MAP4: variants seen among roughly 807,000 people sequenced by gnomAD.
The protein encoded by MAP4 is microtubule associated protein 4.
In MAP4, 76 loss-of-function variants were observed where a neutral mutation model predicts 170.2. That is an observed-to-expected ratio of 0.45 (90% CI 0.37 to 0.54). The LOEUF is 0.54. Ranked by LOEUF, MAP4 falls within the 20% of genes least tolerant of loss-of-function variation. The pLI is 0.00. For synonymous variants in MAP4, 909 were observed against 994.5 expected, an observed-to-expected ratio of 0.91 and a Z score of 1.62; for missense variants, 2,506 against 2,748.0, an observed-to-expected ratio of 0.91 and a Z score of 1.97.
chr3:47,915,469 G>A (rs1332480296), intron 7 of MAP4, among the ~76,000 whole-genome samples: 1 of 152,026 alleles, frequency 6.6e-6, no homozygotes, highest in African/African-American at 2.4e-5. Flanking sequence ...AAATGGGTGG[G>A]AATGATCCAA....
intron 10 of MAP4, among the ~76,000 whole-genome samples, chr3:47,900,547 C>G (rs367834196): frequency 1.3e-5 from 2 of 152,024 alleles, no homozygotes; most frequent in East Asian, 3.9e-4. Context: ...ACTAGCCTGG[C>G]CAACATGGTG....
chr3:48,024,528 G>A (rs992865603), intron 1 of MAP4, among the ~76,000 whole-genome samples: 1 of 152,096 alleles, frequency 6.6e-6, no homozygotes, highest in Non-Finnish European at 1.5e-5. Flanking sequence ...TCTGCTTGCT[G>A]GTGCTCTTTG....
chr3:47,870,967 G>A lies in MAP4; in HGVS notation c.6140C>T (p.Pro2047Leu), dbSNP rs148161144. Residue 2047 changes from proline to leucine, a missense_variant, in exon 15 of 21, where the codon CCT becomes CTT. Transcript: ENST00000683076. ...TPMPSRPSTTPFIDKKPTSAK... is the reference protein window; with the variant it reads ...TPMPSRPSTTLFIDKKPTSAK... ...CGAGGTGGGCTTCTTGTCTATGAAA[G>A]GAGTTGTGGAGGGCCGGGAGGGCAT... The A allele has an allele frequency of 9.9e-5, 160 of 1,614,166 alleles. 1 individual carries two copies. Among genetic ancestry groups the A allele is most frequent in the Middle Eastern group, 3.3e-4 (2 of 6,062 alleles).
chr3:47,987,413 G>T (rs1349925075), intron 2 of MAP4: 1 of 1,532,702 alleles, frequency 6.5e-7, no homozygotes, highest in African/African-American at 1.4e-5. Context: ...AGGCTGGCAG[G>T]GTGTGGGGGT....
intron 10 of MAP4, among the ~76,000 whole-genome samples, chr3:47,887,226 C>G (rs370172245): frequency 6.6e-6 from 1 of 152,200 alleles, no homozygotes; most frequent in African/African-American, 2.4e-5. Context: ...GAGCAGGAAC[C>G]GGGGCTGCGC....
At chr3:48,066,490 T>A (rs922082372) in intron 1 of MAP4, among the ~76,000 whole-genome samples, 10 of 152,028 alleles carry the variant, frequency 6.6e-5, no homozygotes, top group Admixed American at 6.6e-5. Flanking sequence ...ATATATATAT[T>A]TTTTATTTTA....
intron 10 of MAP4, among the ~76,000 whole-genome samples, chr3:47,884,282 G>A (rs2097231474): frequency 6.6e-6 from 1 of 152,136 alleles, no homozygotes; most frequent in African/African-American, 2.4e-5. Context: ...TGAGCCCATT[G>A]AAGTTTTTAA....
chr3:47,952,011 G>A (rs1270273891), intron 3 of MAP4, among the ~76,000 whole-genome samples: 2 of 150,682 alleles, frequency 1.3e-5, no homozygotes, highest in African/African-American at 4.9e-5. Context: ...CACCCCGTCT[G>A]GGATGTGAGG....
In MAP4 at chr3:47,851,030, A is replaced by AGT. The variant is rs1217268421; in HGVS notation, c.*1902_*1903dup. On this transcript the variant is annotated 3_prime_UTR_variant, in exon 21 of 21. Coordinates refer to ENST00000683076, the MANE Select transcript of MAP4 (RefSeq NM_001385682.1). The stretch of plus-strand genomic sequence containing the variant: ...ATCCTCATGACCCCAGGACAGACGC[A>AGT]GTGGAGGCAGCAGGTACTCTGGGCC... 6.6e-6 allele frequency: 1 copy of AGT among 152,048 alleles called. No individual in the cohort carries two copies. The highest frequency in any genetic ancestry group is 1.5e-5 in the Non-Finnish European group (1 of 68,070). The allele number at this position is 152,048 out of a possible 1,614,324, so 9.4% of individuals were successfully genotyped here. A position where few individuals can be genotyped will look rare whatever the true frequency, so the allele number is the denominator to read the frequency against.
rs140928289 is a variant in MAP4 at position 47,916,106 on chromosome 3, T to G, written c.1721A>C (p.Lys574Thr). The stretch of plus-strand genomic sequence containing the variant: ...TGTTTCTGAGAGTGGTGGAACATCT[T>G]TGGCTGGAGTCACATTGTTGGCCAG... The part of the protein sequence containing the change: ...LTLANNVTPA[K>T]DVPPLSETEA... The change falls in exon 7 of 21, where the codon AAA becomes ACA. Residue 574 changes from lysine (K) to threonine (T), a missense_variant. Physicochemically the swap from Lys to Thr is moderately conservative, Grantham distance 78. Coordinates refer to ENST00000683076, the MANE Select transcript of MAP4 (RefSeq NM_001385682.1). 1.9e-4 allele frequency: 313 copies of G among 1,614,242 alleles called. No homozygotes were observed. Among genetic ancestry groups the G allele is most frequent in the Non-Finnish European group, 2.5e-4 (299 of 1,180,046 alleles).
intron 13 of MAP4, 67 bp from the exon 14 acceptor site, chr3:47,871,353 T>C: frequency 8.1e-7 from 1 of 1,235,622 alleles, no homozygotes; most frequent in South Asian, 1.2e-5. Context: ...CATCCAATAG[T>C]GAGATTCCTC....
chr3:47,861,688 A>G (rs556598261), intron 17 of MAP4, among the ~76,000 whole-genome samples: 3 of 151,528 alleles, frequency 2.0e-5, no homozygotes, highest in Non-Finnish European at 4.4e-5. Flanking sequence ...CAACAACAAC[A>G]ACAAGAACAA....
At chr3:47,998,564 C>A in intron 2 of MAP4, 74 bp downstream of exon 2, 1 of 1,200,590 alleles carries the variant, frequency 8.3e-7, no homozygotes, top group Middle Eastern at 2.2e-4. Flanking sequence ...TTCTCAGTTT[C>A]CAAGATTATA....
At chr3:47,973,026 T>G in intron 3 of MAP4, 1 of 985,252 alleles carries the variant, frequency 1.0e-6, no homozygotes, top group Non-Finnish European at 1.2e-6. Flanking sequence ...ACCCAACTTG[T>G]GTTTTAGTAA....
chr3:47,971,958 A>G (rs749723951), intron 3 of MAP4, among the ~76,000 whole-genome samples: 1 of 152,204 alleles, frequency 6.6e-6, no homozygotes, highest in African/African-American at 2.4e-5. Context: ...CTTTAAACCT[A>G]GGGTATGTAT....
intron 1 of MAP4, among the ~76,000 whole-genome samples, chr3:48,031,753 T>C (rs568927675): frequency 3.9e-5 from 6 of 152,190 alleles, no homozygotes; most frequent in East Asian, 1.9e-4. Context: ...CTTGGTGGCA[T>C]GTGCCTATGG....
At chr3:47,977,996 A>T (rs1047014214) in intron 2 of MAP4, 63 bp from the exon 3 acceptor site, 2 of 1,039,258 alleles carry the variant, frequency 1.9e-6, no homozygotes, top group African/African-American at 3.1e-5. Context: ...AGATCCAACC[A>T]CTGTCTTATT....
At chr3:48,005,248 C>A (rs1042649108) in intron 1 of MAP4, among the ~76,000 whole-genome samples, 1 of 152,136 alleles carries the variant, frequency 6.6e-6, no homozygotes, top group Non-Finnish European at 1.5e-5. Context: ...GTAATCCCAG[C>A]TACTCGGCAG....
intron 10 of MAP4, among the ~76,000 whole-genome samples, chr3:47,882,094 C>T (rs1482395743): frequency 6.6e-6 from 1 of 152,164 alleles, no homozygotes; most frequent in Non-Finnish European, 1.5e-5. Context: ...GCCTGGCCAA[C>T]AGGGTGAAAC....
Sources: allele counts gnomAD v4.1 joint callset (sites outside exome capture counted in the v4.1 genomes callset), GRCh38; gene constraint gnomAD v4.1.1; transcripts MANE v1.5; gene names NCBI Gene and HGNC (gene_info 2026-07-23, HGNC 2026-07-21).